WWOX: variants seen among roughly 807,000 people sequenced by gnomAD.
The protein encoded by WWOX is WW domain containing oxidoreductase, also known as WW domain-containing oxidoreductase.
In WWOX, 69 loss-of-function variants were observed where a neutral mutation model predicts 46.2. That is an observed-to-expected ratio of 1.49 (90% CI 1.23 to 1.82). The LOEUF is 1.82. Among genes scored for constraint, WWOX ranks in the 40% most tolerant of loss-of-function variants. The pLI, the probability that WWOX is intolerant of heterozygous loss-of-function variation, is 0.00. For synonymous variants in WWOX, 359 were observed against 202.6 expected, an observed-to-expected ratio of 1.77 and a Z score of -6.56; for missense variants, 919 against 542.6, an observed-to-expected ratio of 1.69 and a Z score of -6.89.
At chr16:78,891,824 G>C (rs919076680) in intron 8 of WWOX, 1 of 151,950 alleles carries the variant, frequency 6.6e-6, no homozygotes, top group Non-Finnish European at 1.5e-5. Context: ...ATATATGAAG[G>C]CAAAGGAAAA....
At chr16:78,324,038 C>A (rs1257263054) in intron 5 of WWOX, among the ~76,000 whole-genome samples, 1 of 152,068 alleles carries the variant, frequency 6.6e-6, no homozygotes, top group Non-Finnish European at 1.5e-5. Context: ...GTGTTAGAGA[C>A]AAGAAAAATC....
At chr16:78,880,844 C>T (rs1166281100) in intron 8 of WWOX, among the ~76,000 whole-genome samples, 3 of 152,046 alleles carry the variant, frequency 2.0e-5, no homozygotes. Flanking sequence ...GATCAGTTCA[C>T]GATTCAGAGA....
chr16:78,517,243 C>A (rs1417301843), intron 8 of WWOX, among the ~76,000 whole-genome samples: 1 of 152,242 alleles, frequency 6.6e-6, no homozygotes, highest in East Asian at 1.9e-4. Flanking sequence ...TTTCCTGAAA[C>A]AAAATATTTG....
At chr16:78,579,779 A>T (rs920194654) in intron 8 of WWOX, among the ~76,000 whole-genome samples, 1 of 152,002 alleles carries the variant, frequency 6.6e-6, no homozygotes, top group African/African-American at 2.4e-5. Context: ...AGAAATGAGG[A>T]GATAATATCT....
intron 8 of WWOX, chr16:78,873,012 G>A (rs952568444): frequency 2.0e-5 from 3 of 152,330 alleles, no homozygotes; most frequent in African/African-American, 7.2e-5. Context: ...GCCCAGGCTG[G>A]TCTGGAGCTC....
intron 5 of WWOX, among the ~76,000 whole-genome samples, chr16:78,235,802 C>A (rs1253635105): frequency 1.3e-5 from 2 of 152,148 alleles, no homozygotes; most frequent in Non-Finnish European, 2.9e-5. Flanking sequence ...AGTCACAGAG[C>A]CACCAATTAC....
In WWOX at chr16:78,890,459, C is replaced by G. The variant is rs148423730; in HGVS notation, c.1057-321149C>G. On this transcript the variant is annotated intron_variant, in intron 8 of 8. Transcript: ENST00000566780. The stretch of plus-strand genomic sequence containing the variant: ...GGCCTTCTGAGACTGTTCCCCCAGC[C>G]CCAGTCAGGAGGGCTTGTCCACAAG... The G allele has an allele frequency of 1.6e-3, 239 of 151,892 alleles. 2 individuals carry two copies. The highest frequency in any genetic ancestry group is 5.5e-3 in the African/African-American group (227 of 41,172). The allele number at this position is 151,892 out of a possible 1,614,324, so 9.4% of individuals were successfully genotyped here.
intron 8 of WWOX, among the ~76,000 whole-genome samples, chr16:78,762,608 G>A (rs1412952305): frequency 6.6e-6 from 1 of 152,166 alleles, no homozygotes; most frequent in Non-Finnish European, 1.5e-5. Flanking sequence ...CAGGGGGCTC[G>A]GGGCACAGAG....
intron 6 of WWOX, among the ~76,000 whole-genome samples, chr16:78,416,518 G>C (rs1013830199): frequency 2.6e-5 from 4 of 152,220 alleles, no homozygotes; most frequent in African/African-American, 7.2e-5. Flanking sequence ...TTTGGTGAGA[G>C]AGGAAAGGGT....
intron 8 of WWOX, among the ~76,000 whole-genome samples, chr16:79,183,111 C>A (rs1007935801): frequency 3.3e-5 from 5 of 152,230 alleles, no homozygotes; most frequent in Non-Finnish European, 5.9e-5. Context: ...GGCCTTCATG[C>A]AGGTGGAACC....
chr16:78,911,326 C>T (rs759144250), intron 8 of WWOX, among the ~76,000 whole-genome samples: 1 of 152,074 alleles, frequency 6.6e-6, no homozygotes, highest in Non-Finnish European at 1.5e-5. Flanking sequence ...TTGACCTTTA[C>T]CATAAATCAC....
At chr16:78,564,887 C>G (rs901325375) in intron 8 of WWOX, among the ~76,000 whole-genome samples, 5 of 152,102 alleles carry the variant, frequency 3.3e-5, no homozygotes, top group South Asian at 2.1e-4. Flanking sequence ...CCACTCTTGA[C>G]TCTTCTCTAG....
intron 5 of WWOX, among the ~76,000 whole-genome samples, chr16:78,351,530 A>G (rs2081183795): frequency 6.6e-6 from 1 of 152,280 alleles, no homozygotes; most frequent in Middle Eastern, 3.4e-3. Context: ...TTCAGGAAGC[A>G]GGCTGCCTCT....
chr16:78,308,174 G>T (rs1026599198), intron 5 of WWOX, among the ~76,000 whole-genome samples: 2 of 152,118 alleles, frequency 1.3e-5, no homozygotes, highest in Non-Finnish European at 2.9e-5. Context: ...GCATGTTAGT[G>T]GCCAGCACCA....
chr16:78,213,058 G>C (rs976613082), intron 5 of WWOX, among the ~76,000 whole-genome samples: 1 of 151,912 alleles, frequency 6.6e-6, no homozygotes, highest in African/African-American at 2.4e-5. Context: ...TTCGAGACCA[G>C]CCTGGCCAAT....
chr16:79,008,317 T>C (rs946280025), intron 8 of WWOX, among the ~76,000 whole-genome samples: 2 of 152,172 alleles, frequency 1.3e-5, no homozygotes, highest in Admixed American at 6.5e-5. Context: ...CCCAGCCCCT[T>C]TTAAGGGCCT....
At chr16:79,133,553 C>T (rs1272155146) in intron 8 of WWOX, among the ~76,000 whole-genome samples, 1 of 152,108 alleles carries the variant, frequency 6.6e-6, no homozygotes, top group Non-Finnish European at 1.5e-5. Context: ...CTTTTTCCTT[C>T]ATTCTGTTTC....
chr16:78,464,898 T>C (rs545789968), intron 8 of WWOX, among the ~76,000 whole-genome samples: 1 of 152,318 alleles, frequency 6.6e-6, no homozygotes, highest in African/African-American at 2.4e-5. Flanking sequence ...CGAGACTGGG[T>C]AATTTATAAA....
chr16:78,158,339 A>G (rs1013452111), intron 4 of WWOX, among the ~76,000 whole-genome samples: 2 of 152,170 alleles, frequency 1.3e-5, no homozygotes, highest in East Asian at 3.8e-4. Context: ...AGTAGAATTG[A>G]CTACTTTGTT....
Sources: allele counts gnomAD v4.1 joint callset (sites outside exome capture counted in the v4.1 genomes callset), GRCh38; gene constraint gnomAD v4.1.1; transcripts MANE v1.5; gene names NCBI Gene and HGNC (gene_info 2026-07-23, HGNC 2026-07-21).